Variants in TTC29 observed in about 807,000 individuals in gnomAD.
TTC29 encodes the protein tetratricopeptide repeat protein 29.
A neutral mutation model predicts 58.1 loss-of-function variants in TTC29; 49 were observed. The observed-to-expected ratio is 0.84, with a 90% CI of 0.67 to 1.07. The LOEUF is 1.07. TTC29 is among the 50% of genes least tolerant of loss of function. The pLI, the probability that TTC29 is intolerant of heterozygous loss-of-function variation, is 0.00. For missense variants in TTC29, 582 were observed against 555.6 expected (o/e 1.05, Z -0.48); for synonymous variants, 209 against 196.8 (o/e 1.06, Z -0.52).
At chr4:146,818,835 C>CA (rs1331907640) in intron 10 of TTC29, among the ~76,000 whole-genome samples, 5 of 150,062 alleles carry the variant, frequency 3.3e-5, no homozygotes, top group African/African-American at 7.4e-5. Context: ...ATCGCAAGGA[C>CA]AAAAAACCAA....
At chr4:146,866,307 A>G (rs866009512) in intron 8 of TTC29, among the ~76,000 whole-genome samples, 1 of 152,166 alleles carries the variant, frequency 6.6e-6, no homozygotes, top group East Asian at 1.9e-4. Flanking sequence ...TTGCTTCCCA[A>G]CACACTGAGT....
chr4:146,922,759 CT>C (rs1734679913), intron 4 of TTC29, among the ~76,000 whole-genome samples: 1 of 151,754 alleles, frequency 6.6e-6, no homozygotes, highest in Non-Finnish European at 1.5e-5. Flanking sequence ...CCATCATTAT[CT>C]TTACACTCCC....
At chr4:146,738,973 A>G (rs1276527974) in intron 11 of TTC29, among the ~76,000 whole-genome samples, 1 of 152,196 alleles carries the variant, frequency 6.6e-6, no homozygotes, top group Non-Finnish European at 1.5e-5. Context: ...CCTTTGTAAT[A>G]GCCTTTATAA....
intron 6 of TTC29, among the ~76,000 whole-genome samples, chr4:146,878,205 C>T (rs1353575178): frequency 1.3e-5 from 2 of 152,076 alleles, no homozygotes; most frequent in African/African-American, 2.4e-5. Context: ...AGTAGCTTTT[C>T]GGTTGGATTT....
intron 11 of TTC29, among the ~76,000 whole-genome samples, chr4:146,787,199 G>T (rs921393423): frequency 6.6e-6 from 1 of 152,112 alleles, no homozygotes; most frequent in Non-Finnish European, 1.5e-5. Context: ...TAATATGAAG[G>T]TGATGGTACA....
At chr4:146,796,010 G>A (rs961951557) in intron 11 of TTC29, among the ~76,000 whole-genome samples, 10 of 152,226 alleles carry the variant, frequency 6.6e-5, no homozygotes, top group South Asian at 2.1e-4. Context: ...ATTCACTCTC[G>A]TTTTGCTATG....
chr4:146,803,071 T>C (rs573955458), intron 11 of TTC29, among the ~76,000 whole-genome samples: 29 of 152,250 alleles, frequency 1.9e-4, no homozygotes, highest in Admixed American at 1.8e-3. Flanking sequence ...AGTAAGCGCA[T>C]AAAACAAATT....
intron 11 of TTC29, among the ~76,000 whole-genome samples, chr4:146,792,352 T>G (rs1011478106): frequency 2.0e-5 from 3 of 152,226 alleles, no homozygotes; most frequent in African/African-American, 7.2e-5. Context: ...ACCTGTGCTC[T>G]ATAAATGGAA....
intron 8 of TTC29, among the ~76,000 whole-genome samples, chr4:146,863,131 A>AG (rs1489739373): frequency 2.6e-5 from 4 of 151,994 alleles, no homozygotes; most frequent in African/African-American, 9.7e-5. Flanking sequence ...CAAAAAAAAA[A>AG]AAAAAAAGAA....
chr4:146,903,017 CT>C (rs1561237236), intron 6 of TTC29, among the ~76,000 whole-genome samples: 3 of 152,140 alleles, frequency 2.0e-5, no homozygotes, highest in Non-Finnish European at 4.4e-5. Context: ...ATTTGCAATC[CT>C]TGATCAGCCA....
intron 11 of TTC29, among the ~76,000 whole-genome samples, chr4:146,794,419 T>C (rs1379430382): frequency 1.3e-5 from 2 of 152,166 alleles, no homozygotes; most frequent in Admixed American, 1.3e-4. Context: ...TCCTCTTGCA[T>C]AGTTTATTTC....
chr4:146,844,711 C>G (rs1457528044), intron 8 of TTC29, among the ~76,000 whole-genome samples: 1 of 152,132 alleles, frequency 6.6e-6, no homozygotes, highest in East Asian at 1.9e-4. Context: ...TAAGGAAATC[C>G]ATTGGAGATC....
At chr4:146,725,104 G>A (rs142303425) in intron 11 of TTC29, among the ~76,000 whole-genome samples, 164 of 152,168 alleles carry the variant, frequency 1.1e-3, no homozygotes, top group African/African-American at 3.7e-3. Flanking sequence ...TCTTTGTTTC[G>A]ATTGCACTGT....
intron 4 of TTC29, among the ~76,000 whole-genome samples, chr4:146,933,813 C>A (rs959101048): frequency 6.6e-6 from 1 of 152,166 alleles, no homozygotes; most frequent in South Asian, 2.1e-4. Context: ...TGCCTTTGAA[C>A]GATTCTACCA....
chr4:146,785,061 A>G (rs1176970268), intron 11 of TTC29, among the ~76,000 whole-genome samples: 1 of 152,098 alleles, frequency 6.6e-6, no homozygotes, highest in Non-Finnish European at 1.5e-5. Flanking sequence ...GCATTGCTGC[A>G]TGTTTGTTTG....
chr4:146,914,856 G>A (rs1734117312), intron 4 of TTC29, among the ~76,000 whole-genome samples: 1 of 152,106 alleles, frequency 6.6e-6, no homozygotes, highest in South Asian at 2.1e-4. Context: ...CTGACAGAAA[G>A]CAGAGCTGAA....
chr4:146,915,772 A>AT (rs960739383), intron 4 of TTC29, among the ~76,000 whole-genome samples: 2 of 151,986 alleles, frequency 1.3e-5, no homozygotes, highest in African/African-American at 4.8e-5. Context: ...TATTTAACAT[A>AT]TTTTTTTCAT....
At chr4:146,815,064 A>C (rs1561151623) in intron 10 of TTC29, among the ~76,000 whole-genome samples, 1 of 152,168 alleles carries the variant, frequency 6.6e-6, no homozygotes, top group Admixed American at 6.5e-5. Flanking sequence ...TTCTCAGAAG[A>C]ATGAGAAGTA....
At chr4:146,875,985 A>T (rs527825189) in intron 6 of TTC29, among the ~76,000 whole-genome samples, 3 of 152,204 alleles carry the variant, frequency 2.0e-5, no homozygotes, top group South Asian at 2.1e-4. Flanking sequence ...TATTGGAGTT[A>T]CATAATTGGA....
Sources: allele counts gnomAD v4.1 joint callset (sites outside exome capture counted in the v4.1 genomes callset), GRCh38; gene constraint gnomAD v4.1.1; transcripts MANE v1.5; gene names NCBI Gene and HGNC (gene_info 2026-07-23, HGNC 2026-07-21).